The following DEPDC5 variants were observed in gnomAD, a reference collection of about 807,000 sequenced individuals.
The protein encoded by DEPDC5 is GATOR1 complex protein DEPDC5.
A neutral mutation model predicts 217.3 loss-of-function variants in DEPDC5; 73 were observed. That is an observed-to-expected ratio of 0.34 (90% CI 0.28 to 0.41). The LOEUF (loss-of-function observed/expected upper bound fraction) is 0.41, where lower values mean the gene tolerates loss of function less well. DEPDC5 is among the 10% of genes least tolerant of loss of function. The pLI is 1.00. For missense variants in DEPDC5, 1,675 were observed against 2,070.1 expected (o/e 0.81, Z 3.70); for synonymous variants, 733 against 756.7 (o/e 0.97, Z 0.51).
intron 25 of DEPDC5, among the ~76,000 whole-genome samples, chr22:31,835,065 G>C (rs2090895120): frequency 6.6e-6 from 1 of 152,140 alleles, no homozygotes; most frequent in South Asian, 2.1e-4. Context: ...GGCTGAGGTG[G>C]GTGCTTCACT....
chr22:31,856,076 A>T (rs1026755759), intron 31 of DEPDC5, among the ~76,000 whole-genome samples: 5 of 151,664 alleles, frequency 3.3e-5, no homozygotes, highest in Non-Finnish European at 5.9e-5. Context: ...GAGAAGCTGG[A>T]CTACAGCCCA....
At chr22:31,774,232 C>T (rs1294336414) in intron 7 of DEPDC5, among the ~76,000 whole-genome samples, 4 of 147,666 alleles carry the variant, frequency 2.7e-5, no homozygotes, top group Non-Finnish European at 3.0e-5. Flanking sequence ...AGACGAGTCT[C>T]ACTCTGTCAC....
chr22:31,893,553 C>G (rs1233145178), intron 38 of DEPDC5, 29 bp from the exon 39 acceptor site: 1 of 1,526,246 alleles, frequency 6.6e-7, no homozygotes, highest in East Asian at 2.5e-5. Flanking sequence ...TTCTCACTCT[C>G]TTGGGGCCCC....
chr22:31,781,786 G>A (rs550149436), intron 8 of DEPDC5, among the ~76,000 whole-genome samples: 181 of 152,290 alleles, frequency 1.2e-3, no homozygotes, highest in African/African-American at 4.2e-3. Context: ...GTAATCCCAG[G>A]ACTTTGAGAG....
chr22:31,792,080 T>C lies in DEPDC5; in HGVS notation c.672T>C (p.Thr224=). ...TGACAGTGGTCCTGTTTTCTAGAAC[T>C]TTCTATGATGCAAAATCTGTTGGTG... is the stretch of plus-strand genomic sequence containing the variant. ...HEVTVVLFSR[T]FYDAKSVDEF... The change falls in exon 11 of 43, where the codon ACT becomes ACC. Residue 224 remains threonine (T), a synonymous_variant. Coordinates refer to ENST00000651528, the MANE Select transcript of DEPDC5 (RefSeq NM_001242896.3). The C allele has an allele frequency of 6.2e-7, 1 of 1,612,870 alleles. No individual in the cohort carries two copies. The highest frequency in any genetic ancestry group is 8.5e-7 in the Non-Finnish European group (1 of 1,179,230).
At chr22:31,892,482 G>A (rs2093457723) in intron 38 of DEPDC5, among the ~76,000 whole-genome samples, 1 of 152,168 alleles carries the variant, frequency 6.6e-6, no homozygotes. Flanking sequence ...TCAGGAGTTT[G>A]AGACCAGCCT....
In DEPDC5 at chr22:31,823,591, A is replaced by C. The variant is rs576137214; in HGVS notation, c.2104+801A>C. 5.3e-5 allele frequency among the ~76,000 whole-genome samples: 8 copies of C among 151,960 alleles called. No individual in the cohort carries two copies. In the East Asian group the frequency reaches 1.4e-3, roughly 26 times the overall value. On this transcript the variant is annotated intron_variant, in intron 24 of 42. Transcript: ENST00000651528. Reference sequence around the variant, plus strand: ...ACGCACCAAAGACTTGAAGGGTAGAATTTGGTTAGGTAGACAGTTAGAAGG... The same window carrying C: ...ACGCACCAAAGACTTGAAGGGTAGACTTTGGTTAGGTAGACAGTTAGAAGG...
At chr22:31,764,884 T>A in intron 4 of DEPDC5, 91 bp from the exon 5 acceptor site, 1 of 902,098 alleles carries the variant, frequency 1.1e-6, no homozygotes, top group East Asian at 2.4e-5. Context: ...ATCAATTGTG[T>A]TGCTTACTGA....
chr22:31,895,143 CAAAAAAAAAA>C (rs56247667), intron 39 of DEPDC5, among the ~76,000 whole-genome samples: 1 of 57,608 alleles, frequency 1.7e-5, no homozygotes, highest in African/African-American at 5.9e-5. Flanking sequence ...GAATCCGTCT[CAAAAAAAAAA>C]AAAAAAAAAA....
intron 8 of DEPDC5, among the ~76,000 whole-genome samples, chr22:31,781,760 A>G (rs1601787160): frequency 6.6e-6 from 1 of 150,720 alleles, no homozygotes; most frequent in South Asian, 2.2e-4. Flanking sequence ...GGAGCTGAAC[A>G]TGGTGGCTCA....
At position 31,897,626 on chromosome 22, in the gene DEPDC5, A is replaced by G. The variant is rs1292396413; in HGVS notation, c.4348A>G (p.Lys1450Glu). Residue 1450 changes from lysine (K) to glutamate (E), a missense_variant, in exon 40 of 43, where the codon AAG (lysine) becomes GAG (glutamate). Physicochemically the swap from Lys to Glu is moderately conservative, Grantham distance 56. Transcript: ENST00000651528. ...FIPLNISCLLKEGSEHLFDSF... is the reference protein window; with the variant it reads ...FIPLNISCLLEEGSEHLFDSF... ...CCCACTCAACATCAGCTGCTTGCTC[A>G]AGGAGGGCAGCGAGCACCTGTTTGA... 6.2e-7 allele frequency: 1 copy of G among 1,613,990 alleles called. No homozygotes were observed. Among genetic ancestry groups the G allele is most frequent in the Non-Finnish European group, 8.5e-7 (1 of 1,179,980 alleles).
Position 31,857,466 on chromosome 22 carries a change from A to C in DEPDC5, c.3177A>C (p.Ala1059=), listed in dbSNP as rs776608344. ...ASQKCLGEQQ[A]AVHGGKSSAQ... ...TCAGGTGCCTGGGAGAACAGCAGGC[A>C]GCTGTGCATGGTGGGAAGAGCTCCG... Residue 1059 remains alanine (A), a synonymous_variant, in exon 32 of 43, where the codon GCA becomes GCC. Coordinates refer to ENST00000651528, the MANE Select transcript of DEPDC5 (RefSeq NM_001242896.3). 1.2e-6 allele frequency: 2 copies of C among 1,609,632 alleles called. No homozygotes were observed. The highest frequency in any genetic ancestry group is 1.7e-6 in the Non-Finnish European group (2 of 1,178,198).
At chr22:31,760,178 C>G (rs1467254869) in intron 3 of DEPDC5, among the ~76,000 whole-genome samples, 1 of 152,106 alleles carries the variant, frequency 6.6e-6, no homozygotes, top group Non-Finnish European at 1.5e-5. Context: ...CGCCATTCTC[C>G]TGCCTCAGCC....
intron 10 of DEPDC5, among the ~76,000 whole-genome samples, chr22:31,786,212 T>C (rs1311814730): frequency 6.7e-6 from 1 of 150,348 alleles, no homozygotes; most frequent in South Asian, 2.1e-4. Context: ...GCCAAGATTA[T>C]GCCACCGTAC....
At chr22:31,845,522 C>A (rs1191817168) in intron 30 of DEPDC5, among the ~76,000 whole-genome samples, 1 of 152,192 alleles carries the variant, frequency 6.6e-6, no homozygotes, top group Admixed American at 6.5e-5. Context: ...TTGAGCACAG[C>A]TGCTTGTGTG....
chr22:31,758,725 C>CA (rs1349218340), intron 3 of DEPDC5, 92 bp downstream of exon 3: 1 of 1,255,298 alleles, frequency 8.0e-7, no homozygotes, highest in Non-Finnish European at 1.2e-6. Flanking sequence ...TCAAAATGCT[C>CA]ATGCTGTGAT....
intron 33 of DEPDC5, among the ~76,000 whole-genome samples, chr22:31,869,740 A>G (rs959988985): frequency 6.6e-6 from 1 of 152,016 alleles, no homozygotes; most frequent in Non-Finnish European, 1.5e-5. Flanking sequence ...GGTCAAGCCA[A>G]TGTTGTGCAG....
intron 36 of DEPDC5, chr22:31,875,242 C>T (rs921642529): frequency 2.4e-5 from 4 of 167,064 alleles, no homozygotes; most frequent in African/African-American, 4.8e-5. Context: ...TATACACTCT[C>T]GTCTCCCTGA....
At chr22:31,765,151 G>A (rs1447308805) in intron 5 of DEPDC5, 91 bp downstream of exon 5, 1 of 1,019,366 alleles carries the variant, frequency 9.8e-7, no homozygotes, top group African/African-American at 1.6e-5. Flanking sequence ...TTACTTAAGT[G>A]TAGTGTTAGC....
Sources: gnomAD v4.1 joint callset for allele counts (sites outside exome capture counted in the v4.1 genomes callset) on GRCh38, gnomAD v4.1.1 for gene constraint, MANE v1.5 for transcripts, NCBI Gene and HGNC (gene_info 2026-07-23, HGNC 2026-07-21) for gene names.